TMEM232: variants seen among roughly 807,000 people sequenced by gnomAD.
TMEM232 encodes the protein transmembrane protein 232.
Under a neutral mutation model 78.8 loss-of-function variants are expected in TMEM232, and 80 were observed. The ratio of observed to expected loss-of-function variants is 1.01; its 90% confidence interval spans 0.85 to 1.22. TMEM232 has a LOEUF of 1.22. Ranked by LOEUF, TMEM232 falls within the 50% of genes most tolerant of loss-of-function variation. The pLI, the probability that TMEM232 is intolerant of heterozygous loss-of-function variation, is 0.00. For synonymous variants in TMEM232, 297 were observed against 254.3 expected, an observed-to-expected ratio of 1.17 and a Z score of -1.60; for missense variants, 881 against 742.2, an observed-to-expected ratio of 1.19 and a Z score of -2.17.
At chr5:110,727,611 GA>G (rs550369453), upstream of TMEM232, among the ~76,000 whole-genome samples, 35 of 147,598 alleles carry the variant, frequency 2.4e-4, no homozygotes, top group Middle Eastern at 3.4e-3. Flanking sequence ...TCCATCTAAA[GA>G]AAAAAAAAAT....
At position 110,424,803 on chromosome 5, in the gene TMEM232, TAAAAA is replaced by T. The variant is rs11454377; in HGVS notation, c.1797+15_1797+19del. On this transcript the variant is annotated intron_variant, in intron 13 of 13. Transcript: ENST00000455884. ...AAGGAACAAAGCTTTTGCTGCTAGT[TAAAAA>T]AAAATCAATCTTACGTGATGGTCAA... The T allele has an allele frequency of 2.6e-6, 4 of 1,510,580 alleles. No individual in the cohort carries two copies. The highest frequency in any genetic ancestry group is 3.6e-6 in the Non-Finnish European group (4 of 1,116,604). The allele number at this position is 1,510,580 out of a possible 1,614,324, so 93.6% of individuals were successfully genotyped here.
intron 12 of TMEM232, among the ~76,000 whole-genome samples, chr5:110,436,447 GT>G (rs1758444145): frequency 6.6e-6 from 1 of 151,940 alleles, no homozygotes; most frequent in Non-Finnish European, 1.5e-5. Context: ...CTGTGCAGAA[GT>G]TTTTAAACTT....
chr5:110,601,999 A>G (rs1780970311), intron 10 of TMEM232, among the ~76,000 whole-genome samples: 1 of 152,202 alleles, frequency 6.6e-6, no homozygotes, highest in Non-Finnish European at 1.5e-5. Context: ...CAACACACTT[A>G]CAATCATCTG....
At chr5:110,414,091 G>T (rs528983185) in intron 2 of TMEM232, among the ~76,000 whole-genome samples, 1 of 152,168 alleles carries the variant, frequency 6.6e-6, no homozygotes, top group African/African-American at 2.4e-5. Context: ...CTGATAGTTT[G>T]GGGAATGCTC....
intron 1 of TMEM232, among the ~76,000 whole-genome samples, chr5:110,726,223 G>A (rs1798143351): frequency 6.6e-6 from 1 of 151,394 alleles, no homozygotes; most frequent in South Asian, 2.1e-4. Flanking sequence ...AAATCAAAAA[G>A]GTGCAATTTC....
chr5:110,540,938 T>C (rs773612449), intron 11 of TMEM232, among the ~76,000 whole-genome samples: 1 of 152,138 alleles, frequency 6.6e-6, no homozygotes, highest in Non-Finnish European at 1.5e-5. Context: ...ATAGCTATAA[T>C]TCATTGTAGG....
intron 12 of TMEM232, among the ~76,000 whole-genome samples, chr5:110,453,166 T>C (rs1268664580): frequency 6.6e-6 from 1 of 152,142 alleles, no homozygotes; most frequent in Non-Finnish European, 1.5e-5. Flanking sequence ...TTATAACTTA[T>C]TTTTGGCCCA....
intron 1 of TMEM232, among the ~76,000 whole-genome samples, chr5:110,703,273 C>CG (rs376680458): frequency 0.085 from 12,950 of 152,070 alleles, 582 homozygotes; most frequent in Admixed American, 0.12. Flanking sequence ...GCCCCCCACC[C>CG]TTGCTTGTAA....
intron 12 of TMEM232, among the ~76,000 whole-genome samples, chr5:110,464,970 A>C (rs1761920249): frequency 6.6e-6 from 1 of 152,240 alleles, no homozygotes; most frequent in South Asian, 2.1e-4. Flanking sequence ...ATGCTTACAC[A>C]GGAAGCCAGC....
At chr5:110,529,900 C>T (rs943077124) in intron 11 of TMEM232, among the ~76,000 whole-genome samples, 5 of 152,120 alleles carry the variant, frequency 3.3e-5, no homozygotes, top group Non-Finnish European at 7.4e-5. Flanking sequence ...TATGTACATA[C>T]TATTAATTCC....
At position 110,505,873 on chromosome 5, in the gene TMEM232, T is replaced by C. The variant is rs951693688; in HGVS notation, c.1703+22715A>G. Among the ~76,000 whole-genome samples the C allele has an allele frequency of 5.3e-5, 8 of 152,218 alleles. No homozygotes were observed. The East Asian group carries it at 5.8e-4, about 11-fold the overall frequency. On this transcript the variant is annotated intron_variant, in intron 12 of 13. Transcript: ENST00000455884. ...CGAAACCATGCTTCTTTATTTCCTT[T>C]CTTTTTTGTTATTTTATTCAAATGT...
At chr5:110,426,206 C>T (rs1299073903) in intron 12 of TMEM232, among the ~76,000 whole-genome samples, 4 of 151,952 alleles carry the variant, frequency 2.6e-5, no homozygotes, top group Non-Finnish European at 5.9e-5. Flanking sequence ...ATTACCATAG[C>T]TCTCAATCTA....
At chr5:110,479,397 T>C (rs909001736) in intron 12 of TMEM232, among the ~76,000 whole-genome samples, 3 of 151,668 alleles carry the variant, frequency 2.0e-5, no homozygotes, top group African/African-American at 7.3e-5. Flanking sequence ...AACAACCAGA[T>C]AAGGAAATAA....
At chr5:110,479,304 G>A (rs1458530496) in intron 12 of TMEM232, among the ~76,000 whole-genome samples, 1 of 151,708 alleles carries the variant, frequency 6.6e-6, no homozygotes, top group Non-Finnish European at 1.5e-5. Flanking sequence ...AGACCCAACT[G>A]AATTATAAGA....
chr5:110,390,412 C>T (rs1755134829), intron 4 of TMEM232: 1 of 152,138 alleles, frequency 6.6e-6, no homozygotes, highest in South Asian at 2.1e-4. Flanking sequence ...GGAGATAGAC[C>T]AACCTTGGCA....
intron 10 of TMEM232, among the ~76,000 whole-genome samples, chr5:110,590,302 A>G (rs2149767525): frequency 6.6e-6 from 1 of 152,180 alleles, no homozygotes; most frequent in Middle Eastern, 3.4e-3. Flanking sequence ...CTCCTGTATC[A>G]GATAAACAGG....
intron 12 of TMEM232, among the ~76,000 whole-genome samples, chr5:110,505,056 C>A (rs1013799047): frequency 2.0e-5 from 3 of 152,222 alleles, no homozygotes; most frequent in Middle Eastern, 6.8e-3. Context: ...TAGAGTGTTG[C>A]TACATCTCTT....
rs1158409219 is a variant in TMEM232, at chr5:110,641,536, TG to T, written c.238-541del. 3.3e-5 allele frequency among the ~76,000 whole-genome samples: 5 copies of T among 152,184 alleles called. No homozygotes were observed. In the East Asian group the frequency reaches 9.6e-4, roughly 29 times the overall value. On this transcript the variant is annotated intron_variant, in intron 3 of 13. Transcript: ENST00000455884. Reference sequence around the variant, plus strand: ...ACTGATGAATGCACCTCCTGGCACCTGTCTGCATACACACTTATCAAAAGTA... The same window carrying T: ...ACTGATGAATGCACCTCCTGGCACCTTCTGCATACACACTTATCAAAAGTA...
Position 110,638,230 on chromosome 5 carries a change from AT to A in TMEM232, c.468del (p.Tyr157IlefsTer7). The A allele has an allele frequency of 6.5e-7, 1 of 1,546,262 alleles. No individual in the cohort carries two copies. Among genetic ancestry groups the A allele is most frequent in the Non-Finnish European group, 8.7e-7 (1 of 1,145,190 alleles). On this transcript the variant is annotated frameshift_variant, in exon 5 of 14. Coordinates refer to ENST00000455884, the MANE Select transcript of TMEM232 (RefSeq NM_001039763.4). LOFTEE classifies it high-confidence loss of function. The stretch of plus-strand genomic sequence containing the variant: ...AGCTTTATTTCAACTGAATATAAAT[AT>A]GTTTTGAGGGATGCATCACAACACA... Reference protein sequence around the residue: ...YRLCCDASLKTYLYSVEIKLA... With the variant: ...YRLCCDASLKXYLYSVEIKLA...
Sources: gnomAD v4.1 joint callset for allele counts (sites outside exome capture counted in the v4.1 genomes callset) on GRCh38, gnomAD v4.1.1 for gene constraint, MANE v1.5 for transcripts, NCBI Gene and HGNC (gene_info 2026-07-23, HGNC 2026-07-21) for gene names.